Variants in TMEM178B observed in about 807,000 individuals in gnomAD.
TMEM178B encodes the protein transmembrane protein 178B.
TMEM178B carries 5 observed loss-of-function variants against 31.0 expected under a neutral mutation model. The observed-to-expected ratio is 0.16, with a 90% CI of 0.08 to 0.34. TMEM178B has a LOEUF of 0.34. Ranked by LOEUF, TMEM178B falls within the 10% of genes least tolerant of loss-of-function variation. The pLI is 1.00. For synonymous variants in TMEM178B, 164 were observed against 164.0 expected (o/e 1.00, Z 0.00); for missense variants, 275 against 400.3 (o/e 0.69, Z 2.67).
Position 141,074,732 on chromosome 7 carries a change from G to A in TMEM178B, c.382+40G>A, listed in dbSNP as rs1024548005. 4 of 1,440,952 alleles carry A rather than the reference G, an allele frequency of 2.8e-6. No homozygotes were observed. The Admixed American group carries it at 1.1e-4, about 41-fold the overall frequency. 89.3% of individuals were successfully genotyped at this position (1,440,952 alleles called of 1,614,324 possible). ...CAAGGCGTGGCGCTGCGGAGAGCCC[G>A]GCGCCTTTAGGCCCCGCAGCCCCTC... On this transcript the variant is annotated intron_variant, in intron 1 of 3. Transcript: ENST00000565468. The surrounding 1 kb of genome is among the most constrained non-coding windows in gnomAD (Gnocchi z 5.1).
At chr7:141,337,889 G>A (rs1003797313) in intron 2 of TMEM178B, among the ~76,000 whole-genome samples, 3 of 152,062 alleles carry the variant, frequency 2.0e-5, no homozygotes, top group African/African-American at 7.2e-5. Flanking sequence ...CCAAGCTGGA[G>A]TGCAGTGACA....
At chr7:141,119,864 T>C (rs1424903089) in intron 1 of TMEM178B, among the ~76,000 whole-genome samples, 1 of 152,098 alleles carries the variant, frequency 6.6e-6, no homozygotes, top group Non-Finnish European at 1.5e-5. Flanking sequence ...TTCCTCCTAG[T>C]GTTTGGAGGC....
rs147886784 is a variant in TMEM178B, at chr7:141,468,056, C to G, written c.635-2480C>G. 4.1e-3 allele frequency among the ~76,000 whole-genome samples: 619 copies of G among 150,748 alleles called. 6 individuals are homozygous for G. Among genetic ancestry groups the G allele is most frequent in the African/African-American group, 0.015 (598 of 41,080 alleles). Reference sequence around the variant, plus strand: ...AGATTATCATTATGCTTTTAATTTTCAATTCTTTGGTTATTGGTAAAATTG... The same window carrying G: ...AGATTATCATTATGCTTTTAATTTTGAATTCTTTGGTTATTGGTAAAATTG... On this transcript the variant is annotated intron_variant, in intron 3 of 3. Transcript: ENST00000565468.
At chr7:141,271,267 A>G (rs931273641) in intron 2 of TMEM178B, among the ~76,000 whole-genome samples, 1 of 152,162 alleles carries the variant, frequency 6.6e-6, no homozygotes. Context: ...GCATTGTAGC[A>G]AGTACTCTCA....
At chr7:141,426,408 C>T (rs1487749634) in intron 2 of TMEM178B, among the ~76,000 whole-genome samples, 1 of 152,208 alleles carries the variant, frequency 6.6e-6, no homozygotes, top group Non-Finnish European at 1.5e-5. Context: ...GTAGTGATAT[C>T]AACCAACTGC....
chr7:141,118,001 G>A (rs1156294173), intron 1 of TMEM178B, among the ~76,000 whole-genome samples: 4 of 152,138 alleles, frequency 2.6e-5, no homozygotes, highest in Admixed American at 6.5e-5. Flanking sequence ...GGCATCTGTG[G>A]TGGAGTAAAA....
chr7:141,343,890 A>G (rs1466032798), intron 2 of TMEM178B, among the ~76,000 whole-genome samples: 1 of 152,116 alleles, frequency 6.6e-6, no homozygotes, highest in African/African-American at 2.4e-5. Context: ...TTGGTCTTAG[A>G]GAGAACTGTG....
chr7:141,328,670 C>T (rs1167461663), intron 2 of TMEM178B, among the ~76,000 whole-genome samples: 1 of 152,194 alleles, frequency 6.6e-6, no homozygotes, highest in Non-Finnish European at 1.5e-5. Context: ...GCTCAGAAGA[C>T]GTTGAAGCTG....
the TMEM178B span, among the ~76,000 whole-genome samples, chr7:141,510,685 C>CAAAAAAAAAAAAAA: frequency 0.02 from 504 of 24,948 alleles, 80 homozygotes; most frequent in Non-Finnish European, 0.025. Flanking sequence ...AACTCCGTCT[C>CAAAAAAAAAAAAAA]AAAAAAAAAA....
intron 1 of TMEM178B, among the ~76,000 whole-genome samples, chr7:141,117,515 A>C (rs1795338331): frequency 6.6e-6 from 1 of 152,134 alleles, no homozygotes; most frequent in African/African-American, 2.4e-5. Flanking sequence ...CAGTTTAATT[A>C]GTTCCCATTT....
At chr7:141,133,223 G>A (rs1384374153) in intron 1 of TMEM178B, among the ~76,000 whole-genome samples, 1 of 152,020 alleles carries the variant, frequency 6.6e-6, no homozygotes, top group Non-Finnish European at 1.5e-5. Context: ...TAATTGTTCA[G>A]CAACAGATTC....
intron 2 of TMEM178B, among the ~76,000 whole-genome samples, chr7:141,377,539 T>A (rs750986153): frequency 7.2e-5 from 11 of 151,888 alleles, no homozygotes; most frequent in Non-Finnish European, 1.0e-4. Context: ...GGCGTGGCAG[T>A]GGACACCTGT....
chr7:141,304,552 G>A (rs563196458), intron 2 of TMEM178B, among the ~76,000 whole-genome samples: 3 of 152,180 alleles, frequency 2.0e-5, no homozygotes, highest in Admixed American at 1.3e-4. Flanking sequence ...TGCCACCATG[G>A]CCACTGCTGT....
rs565646574 is a variant in TMEM178B, at chr7:141,249,857, A to G, written c.496+37153A>G. Among the ~76,000 whole-genome samples the G allele has an allele frequency of 2.1e-3, 317 of 152,372 alleles. 3 individuals carry two copies. Among genetic ancestry groups the G allele is most frequent in the African/African-American group, 7.4e-3 (309 of 41,594 alleles). On this transcript the variant is annotated intron_variant, in intron 2 of 3. Transcript: ENST00000565468. Reference sequence around the variant, plus strand: ...AATTCTGTGTGGCTATATTAAATCTAATATGAGACTTTCCTTTATCTAATA... The same window carrying G: ...AATTCTGTGTGGCTATATTAAATCTGATATGAGACTTTCCTTTATCTAATA...
intron 2 of TMEM178B, among the ~76,000 whole-genome samples, chr7:141,335,789 G>A (rs944073655): frequency 9.9e-5 from 15 of 152,118 alleles, no homozygotes; most frequent in African/African-American, 3.4e-4. Flanking sequence ...GATGTTAGAG[G>A]GAAGGCTGGG....
intron 1 of TMEM178B, among the ~76,000 whole-genome samples, chr7:141,179,777 G>A (rs1212326629): frequency 6.6e-6 from 1 of 152,158 alleles, no homozygotes; most frequent in East Asian, 1.9e-4. Context: ...CCATGGGAGA[G>A]CCCAGGGCCA....
At chr7:141,360,926 A>T (rs1226663089) in intron 2 of TMEM178B, among the ~76,000 whole-genome samples, 3 of 152,174 alleles carry the variant, frequency 2.0e-5, no homozygotes, top group Admixed American at 2.0e-4. Flanking sequence ...TGATTTGGTA[A>T]TTCTTGGGAG....
At chr7:141,115,114 C>A (rs1795297299) in intron 1 of TMEM178B, among the ~76,000 whole-genome samples, 1 of 152,110 alleles carries the variant, frequency 6.6e-6, no homozygotes, top group Non-Finnish European at 1.5e-5. Flanking sequence ...GTGATCTTGG[C>A]TCACTGCAAC....
intron 2 of TMEM178B, among the ~76,000 whole-genome samples, chr7:141,415,661 G>C (rs1801083402): frequency 6.6e-6 from 1 of 152,190 alleles, no homozygotes; most frequent in Non-Finnish European, 1.5e-5. Flanking sequence ...GGACAAAAAG[G>C]AATGAAACTC....
Sources: allele counts gnomAD v4.1 joint callset (sites outside exome capture counted in the v4.1 genomes callset), GRCh38; gene constraint gnomAD v4.1.1; non-coding constraint Gnocchi (gnomAD v3.1); transcripts MANE v1.5; gene names NCBI Gene and HGNC (gene_info 2026-07-23, HGNC 2026-07-21).